Variants in KIAA1217 observed in about 807,000 individuals in gnomAD.
KIAA1217 encodes KIAA1217.
In KIAA1217, 88 loss-of-function variants were observed where a neutral mutation model predicts 163.9. That is an observed-to-expected ratio of 0.54 (90% CI 0.45 to 0.64). The LOEUF is 0.64. Ranked by LOEUF, KIAA1217 falls within the 30% of genes least tolerant of loss-of-function variation. The pLI, the probability that KIAA1217 is intolerant of heterozygous loss-of-function variation, is 0.00. For missense variants in KIAA1217, 2,372 were observed against 2,475.0 expected (o/e 0.96, Z 0.88); for synonymous variants, 903 against 923.1 (o/e 0.98, Z 0.39).
At chr10:24,351,923 T>A (rs532122922) in intron 2 of KIAA1217, among the ~76,000 whole-genome samples, 3 of 152,188 alleles carry the variant, frequency 2.0e-5, no homozygotes, top group Admixed American at 6.5e-5. Context: ...ACCACCCTGC[T>A]GCTCACAGGT....
intron 2 of KIAA1217, among the ~76,000 whole-genome samples, chr10:24,142,503 A>C (rs79804160): frequency 2.0e-5 from 3 of 152,230 alleles, no homozygotes; most frequent in Non-Finnish European, 4.4e-5. Flanking sequence ...GTTGGGTCCA[A>C]TCCACACTAT....
chr10:24,542,429 T>C (rs2135459237), intron 17 of KIAA1217: 2 of 1,030,848 alleles, frequency 1.9e-6, no homozygotes, highest in Non-Finnish European at 2.6e-6. Context: ...TCCCTTTATT[T>C]TCTTCACCAC....
intron 1 of KIAA1217, among the ~76,000 whole-genome samples, chr10:23,996,689 T>C (rs1199145406): frequency 1.3e-5 from 2 of 152,212 alleles, no homozygotes; most frequent in Non-Finnish European, 2.9e-5. Flanking sequence ...AATCCATTCA[T>C]GTCTAAATTT....
chr10:24,298,127 C>G (rs1156989215), intron 2 of KIAA1217, among the ~76,000 whole-genome samples: 1 of 152,058 alleles, frequency 6.6e-6, no homozygotes, highest in East Asian at 1.9e-4. Flanking sequence ...TGAGAGGATA[C>G]TGTCCTTTGT....
intron 2 of KIAA1217, among the ~76,000 whole-genome samples, chr10:24,059,986 CA>C (rs1480863921): frequency 6.6e-6 from 1 of 152,190 alleles, no homozygotes; most frequent in Admixed American, 6.5e-5. Context: ...ACAATCTATT[CA>C]TAGTAGTCCC....
At chr10:24,042,761 G>T (rs1353200936) in intron 2 of KIAA1217, among the ~76,000 whole-genome samples, 2 of 152,062 alleles carry the variant, frequency 1.3e-5, no homozygotes, top group Non-Finnish European at 2.9e-5. Flanking sequence ...CAGAATAACA[G>T]ATTTTATTCT....
intron 2 of KIAA1217, among the ~76,000 whole-genome samples, chr10:24,307,458 C>T (rs1194971089): frequency 6.6e-6 from 1 of 152,082 alleles, no homozygotes. Context: ...CCCTTCACTC[C>T]CTTCATGCCC....
intron 2 of KIAA1217, among the ~76,000 whole-genome samples, chr10:24,186,654 G>T (rs2066445046): frequency 6.6e-6 from 1 of 152,102 alleles, no homozygotes. Flanking sequence ...ACTTTGAGAG[G>T]CTGAGGCGGG....
At chr10:24,180,536 C>G (rs547460021) in intron 2 of KIAA1217, among the ~76,000 whole-genome samples, 2 of 152,036 alleles carry the variant, frequency 1.3e-5, no homozygotes, top group Non-Finnish European at 2.9e-5. Flanking sequence ...CTCCTCTGAA[C>G]TCATATACTC....
chr10:24,121,943 A>G (rs897391557), intron 2 of KIAA1217, among the ~76,000 whole-genome samples: 2 of 152,164 alleles, frequency 1.3e-5, no homozygotes, highest in African/African-American at 4.8e-5. Flanking sequence ...ATACAGACAT[A>G]CATATAACTA....
At position 24,543,955 on chromosome 10, in the gene KIAA1217, C is replaced by G. The variant is rs1362108879; in HGVS notation, c.4685C>G (p.Thr1562Ser). The change falls in exon 19 of 21, where the codon ACC becomes AGC. Residue 1562 changes from threonine (T) to serine (S), a missense_variant. By Grantham distance (58) the Thr-to-Ser change is moderately conservative (BLOSUM62 1). Transcript: ENST00000376454. ...TCGGAATGCAAGGGTGAGGACGCGA[C>G]CGATGACCAGTTTGAAAGCCCCAAG... ...PNSECKGEDA[T>S]DDQFESPKKK... The G allele has an allele frequency of 1.2e-6, 2 of 1,614,072 alleles. No individual in the cohort carries two copies. Among genetic ancestry groups the G allele is most frequent in the Non-Finnish European group, 1.7e-6 (2 of 1,180,036 alleles).
At chr10:24,403,435 C>T (rs1335813501) in intron 3 of KIAA1217, among the ~76,000 whole-genome samples, 1 of 151,958 alleles carries the variant, frequency 6.6e-6, no homozygotes, top group African/African-American at 2.4e-5. Context: ...GACGGGGTTT[C>T]ACCATCTTGG....
intron 1 of KIAA1217, among the ~76,000 whole-genome samples, chr10:23,781,744 G>C (rs535335335): frequency 1.3e-5 from 2 of 152,236 alleles, no homozygotes; most frequent in African/African-American, 4.8e-5. Context: ...GTTGCTTTTT[G>C]TGTAGAGTGT....
intron 12 of KIAA1217, among the ~76,000 whole-genome samples, chr10:24,522,729 G>T (rs1404600479): frequency 6.6e-6 from 1 of 152,226 alleles, no homozygotes; most frequent in East Asian, 1.9e-4. Context: ...AGGCACAGTG[G>T]CTCACACCTG....
At chr10:23,909,018 A>G (rs887485831) in intron 1 of KIAA1217, among the ~76,000 whole-genome samples, 2 of 152,218 alleles carry the variant, frequency 1.3e-5, no homozygotes, top group Admixed American at 1.3e-4. Context: ...AATACTACTC[A>G]GCCATAAAAA....
chr10:24,501,573 C>T, intron 9 of KIAA1217, 28 bp downstream of exon 9: 1 of 1,599,016 alleles, frequency 6.3e-7, no homozygotes, highest in Non-Finnish European at 8.5e-7. Context: ...CGGCCTCTGT[C>T]TCGGTTGCCC....
chr10:24,257,671 G>A (rs1317183893), intron 2 of KIAA1217, among the ~76,000 whole-genome samples: 1 of 152,150 alleles, frequency 6.6e-6, no homozygotes. Flanking sequence ...GGACACTGAG[G>A]CCAGGAAGCT....
At chr10:24,398,115 T>C (rs181577291) in intron 3 of KIAA1217, among the ~76,000 whole-genome samples, 2 of 152,334 alleles carry the variant, frequency 1.3e-5, no homozygotes, top group African/African-American at 2.4e-5. Context: ...TAGCCTACCA[T>C]TGAGCAGAAG....
chr10:24,411,235 G>A (rs1479558787), intron 3 of KIAA1217, among the ~76,000 whole-genome samples: 1 of 152,038 alleles, frequency 6.6e-6, no homozygotes, highest in Non-Finnish European at 1.5e-5. Context: ...ATTTACTGCT[G>A]TGTGTGACTG....
Sources: gnomAD v4.1 joint callset for allele counts (sites outside exome capture counted in the v4.1 genomes callset) on GRCh38, gnomAD v4.1.1 for gene constraint, MANE v1.5 for transcripts, NCBI Gene and HGNC (gene_info 2026-07-23, HGNC 2026-07-21) for gene names.